Variants in NAALADL2 observed in about 807,000 individuals in gnomAD.
NAALADL2 encodes inactive N-acetylated-alpha-linked acidic dipeptidase-like protein 2.
In NAALADL2, 76 loss-of-function variants were observed where a neutral mutation model predicts 87.2. The observed-to-expected ratio is 0.87, with a 90% CI of 0.72 to 1.05. NAALADL2 has a LOEUF of 1.05. Ranked by LOEUF, NAALADL2 falls within the 50% of genes least tolerant of loss-of-function variation. The pLI, the probability that NAALADL2 is intolerant of heterozygous loss-of-function variation, is 0.00. For synonymous variants in NAALADL2, 354 were observed against 331.0 expected (o/e 1.07, Z -0.75); for missense variants, 1,089 against 945.8 (o/e 1.15, Z -1.99).
chr3:174,648,075 A>G (rs62284710), intron 2 of NAALADL2, among the ~76,000 whole-genome samples: 11,713 of 152,266 alleles, frequency 0.077, 667 homozygotes, highest in South Asian at 0.27. Flanking sequence ...CTATGGTCAA[A>G]AAGAAAAAGG....
intron 2 of NAALADL2, among the ~76,000 whole-genome samples, chr3:174,625,058 T>TCTC (rs11282183): frequency 0.016 from 368 of 22,422 alleles, 5 homozygotes; most frequent in African/African-American, 0.11. Context: ...TCTCTCTCTC[T>TCTC]TTTTTTTTTT....
At position 175,083,471 on chromosome 3, in the gene NAALADL2, ACC is replaced by A. The variant is rs1718273582; in HGVS notation, c.44-13318_44-13317del. Among the ~76,000 whole-genome samples the A allele has an allele frequency of 3.9e-5, 6 of 152,296 alleles. No individual in the cohort carries two copies. The South Asian group carries it at 6.2e-4, about 16-fold the overall frequency. ...TAAAATATTAATAACTAGTACTTAA[ACC>A]ACACATTTATAAAATGATTTCATTT... is the stretch of plus-strand genomic sequence containing the variant. On this transcript the variant is annotated intron_variant, in intron 1 of 13. Transcript: ENST00000454872.
intron 2 of NAALADL2, among the ~76,000 whole-genome samples, chr3:175,205,443 A>G (rs1473140526): frequency 6.6e-6 from 1 of 152,094 alleles, no homozygotes; most frequent in Non-Finnish European, 1.5e-5. Flanking sequence ...ACAAAAATCA[A>G]CTCCAGATGG....
rs180966832 is a variant in NAALADL2 at position 174,934,582 on chromosome 3, C to T, written c.43+75132C>T. Among the ~76,000 whole-genome samples, 376 of 152,018 alleles carry T rather than the reference C, an allele frequency of 2.5e-3. 4 individuals carry two copies. Among genetic ancestry groups the T allele is most frequent in the Admixed American group, 6.4e-3 (97 of 15,220 alleles). On this transcript the variant is annotated intron_variant, in intron 1 of 13. Transcript: ENST00000454872. The stretch of plus-strand genomic sequence containing the variant: ...ATCCCAGCACTTTGGGAGGCAGAGG[C>T]GGGAGGATTGCTTTAGCTCGGGAGT...
At chr3:175,744,225 A>G (rs1349386682) in intron 12 of NAALADL2, among the ~76,000 whole-genome samples, 1 of 152,208 alleles carries the variant, frequency 6.6e-6, no homozygotes, top group African/African-American at 2.4e-5. Flanking sequence ...CAGAACTGCA[A>G]TGATTCAATG....
chr3:175,555,872 G>A (rs952566744), intron 9 of NAALADL2, among the ~76,000 whole-genome samples: 1 of 152,098 alleles, frequency 6.6e-6, no homozygotes, highest in Non-Finnish European at 1.5e-5. Flanking sequence ...GATTCTTAGC[G>A]GAAAATTTTA....
At chr3:175,429,843 G>T (rs1717458276) in intron 5 of NAALADL2, among the ~76,000 whole-genome samples, 1 of 151,828 alleles carries the variant, frequency 6.6e-6, no homozygotes, top group Non-Finnish European at 1.5e-5. Flanking sequence ...AAAAAGAAAT[G>T]TCACAGGGTA....
chr3:174,928,540 C>G (rs376872920), intron 1 of NAALADL2, among the ~76,000 whole-genome samples: 15 of 152,118 alleles, frequency 9.9e-5, no homozygotes, highest in East Asian at 5.8e-4. Flanking sequence ...GCGCATTGCC[C>G]TTATGTGATA....
intron 9 of NAALADL2, among the ~76,000 whole-genome samples, chr3:175,551,084 C>CTGTG (rs1363763007): frequency 2.0e-5 from 3 of 147,952 alleles, no homozygotes; most frequent in African/African-American, 7.9e-5. Flanking sequence ...GTGTGTGTCT[C>CTGTG]TGCGTGTGTG....
rs1161831796 is a variant in NAALADL2, at chr3:175,182,550, G to GTTTTTTTTTTTTTTTTT, written c.546-51369_546-51353dup. Reference sequence around the variant, plus strand: ...CTATAAGTCCATGACACCACAGCCAGTTTTTTTTTTTTTTTTTTTTTTTTT... The same window carrying GTTTTTTTTTTTTTTTTT: ...CTATAAGTCCATGACACCACAGCCAGTTTTTTTTTTTTTTTTTTTTTTTTTTTTTTTTTTTTTTTTTT... On this transcript the variant is annotated intron_variant, in intron 2 of 13. Transcript: ENST00000454872. 2.3e-4 allele frequency among the ~76,000 whole-genome samples: 16 copies of GTTTTTTTTTTTTTTTTT among 69,472 alleles called. 2 individuals carry two copies. The highest frequency in any genetic ancestry group is 9.0e-4 in the African/African-American group (15 of 16,730). 45.6% of individuals were successfully genotyped at this position (69,472 alleles called of 152,430 possible). A position where few individuals can be genotyped will look rare whatever the true frequency, so the allele number is the denominator to read the frequency against.
chr3:174,859,888 T>G (rs1412141280), intron 1 of NAALADL2, among the ~76,000 whole-genome samples: 2 of 152,106 alleles, frequency 1.3e-5, no homozygotes, highest in Non-Finnish European at 1.5e-5. Flanking sequence ...CAGCTCAGTT[T>G]CCCTGTAATT....
chr3:175,139,094 C>T (rs888143783), intron 2 of NAALADL2, among the ~76,000 whole-genome samples: 2 of 151,346 alleles, frequency 1.3e-5, no homozygotes, highest in East Asian at 3.9e-4. Context: ...AACTCTTACC[C>T]TCTGACACTC....
chr3:175,011,261 AGG>A (rs766262323), intron 1 of NAALADL2, among the ~76,000 whole-genome samples: 14,092 of 141,816 alleles, frequency 0.099, 1,039 homozygotes, highest in East Asian at 0.29. Context: ...ACAGAGAGAG[AGG>A]GAGAGAGACA....
chr3:174,555,040 A>G (rs1433135069), intron 2 of NAALADL2, among the ~76,000 whole-genome samples: 3 of 152,192 alleles, frequency 2.0e-5, no homozygotes, highest in African/African-American at 7.2e-5. Flanking sequence ...CTCTGCCCTC[A>G]TGACCTAGTC....
In NAALADL2 at chr3:174,787,575, T is replaced by TCATATATATATATATATATATA. The variant is rs1560225275; in HGVS notation, c.-9+49830_-9+49851dup. 3.7e-3 allele frequency among the ~76,000 whole-genome samples: 48 copies of TCATATATATATATATATATATA among 13,040 alleles called. 1 individual carries two copies. Among genetic ancestry groups the TCATATATATATATATATATATA allele is most frequent in the Admixed American group, 6.5e-3 (6 of 930 alleles). 8.6% of individuals were successfully genotyped at this position (13,040 alleles called of 152,430 possible). A position where few individuals can be genotyped will look rare whatever the true frequency, so the allele number is the denominator to read the frequency against. ...TTTAATAGAAGAAGGCAATATATCA[T>TCATATATATATATATATATATA]CATATATATATATATATATATATAT... On this transcript the variant is annotated intron_variant, in intron 3 of 3. Transcript: ENST00000434257.
chr3:175,439,455 A>G, intron 5 of NAALADL2, among the ~76,000 whole-genome samples: 1 of 152,010 alleles, frequency 6.6e-6, no homozygotes, highest in East Asian at 1.9e-4. Context: ...TTACATTCCC[A>G]CCAACAGCGT....
chr3:174,833,895 T>A (rs1338133597), intron 3 of NAALADL2, among the ~76,000 whole-genome samples: 1 of 150,502 alleles, frequency 6.6e-6, no homozygotes, highest in Non-Finnish European at 1.5e-5. Context: ...TGAAAAAGAT[T>A]GTTTTCTCAC....
intron 1 of NAALADL2, among the ~76,000 whole-genome samples, chr3:174,489,715 T>C (rs1242250588): frequency 6.6e-6 from 1 of 152,034 alleles, no homozygotes; most frequent in Non-Finnish European, 1.5e-5. Flanking sequence ...AATAAGCACA[T>C]GAAAAGGTGC....
rs1729581572 is a variant in NAALADL2, at chr3:174,701,873, G to T, written c.-114-35768G>T. ...ACATTTGGATTGTTTTCAGATTTTT[G>T]CAATTACAAAAAAGATGCTTTTAAC... On this transcript the variant is annotated intron_variant, in intron 2 of 3. Transcript: ENST00000434257. Among the ~76,000 whole-genome samples the T allele has an allele frequency of 3.3e-5, 5 of 152,062 alleles. No individual in the cohort carries two copies. In the South Asian group the frequency reaches 1.0e-3, roughly 32 times the overall value.
Sources: gnomAD v4.1 joint callset for allele counts (sites outside exome capture counted in the v4.1 genomes callset) on GRCh38, gnomAD v4.1.1 for gene constraint, MANE v1.5 for transcripts, NCBI Gene and HGNC (gene_info 2026-07-23, HGNC 2026-07-21) for gene names.